The following SLC1A3 variants were observed in gnomAD, a reference collection of about 807,000 sequenced individuals.
The protein encoded by SLC1A3 is solute carrier family 1 member 3.
A neutral mutation model predicts 48.1 loss-of-function variants in SLC1A3; 21 were observed. That is an observed-to-expected ratio of 0.44 (90% CI 0.31 to 0.63). The LOEUF (loss-of-function observed/expected upper bound fraction) is 0.63, where lower values mean the gene tolerates loss of function less well. Among genes scored for constraint, SLC1A3 ranks in the 20% least tolerant of loss-of-function variants. The pLI is 0.08. For synonymous variants in SLC1A3, 239 were observed against 251.4 expected, an observed-to-expected ratio of 0.95 and a Z score of 0.47; for missense variants, 546 against 689.0, an observed-to-expected ratio of 0.79 and a Z score of 2.32.
chr5:36,630,127 C>T (rs141714564), intron 3 of SLC1A3: 2 of 158,594 alleles, frequency 1.3e-5, no homozygotes, highest in Admixed American at 6.1e-5. Flanking sequence ...ATTTCCTTCT[C>T]CAGTTGCCTC....
intron 4 of SLC1A3, among the ~76,000 whole-genome samples, chr5:36,672,692 C>G (rs1434136573): frequency 2.0e-5 from 3 of 152,152 alleles, no homozygotes; most frequent in African/African-American, 7.2e-5. Flanking sequence ...TTTGCACCAT[C>G]TCTATGTATG....
intron 2 of SLC1A3, among the ~76,000 whole-genome samples, chr5:36,627,681 A>G (rs1216050561): frequency 6.6e-6 from 1 of 152,204 alleles, no homozygotes; most frequent in Non-Finnish European, 1.5e-5. Flanking sequence ...CGTATATGGA[A>G]AAGTATATTC....
chr5:36,599,002 G>A (rs1364168919), intron 1 of SLC1A3, among the ~76,000 whole-genome samples: 1 of 152,122 alleles, frequency 6.6e-6, no homozygotes, highest in African/African-American at 2.4e-5. Flanking sequence ...GTCAATATAA[G>A]TATTAATGAG....
At chr5:36,616,997 A>G (rs1739462793) in intron 2 of SLC1A3, among the ~76,000 whole-genome samples, 1 of 152,190 alleles carries the variant, frequency 6.6e-6, no homozygotes, top group Non-Finnish European at 1.5e-5. Context: ...GGGCCTTGTA[A>G]GTTCTGACTT....
At chr5:36,605,550 A>C (rs977609601), upstream of SLC1A3, among the ~76,000 whole-genome samples, 4 of 152,198 alleles carry the variant, frequency 2.6e-5, no homozygotes, top group African/African-American at 4.8e-5. Flanking sequence ...TTTCTTGTTG[A>C]ATAATAGACC....
chr5:36,663,210 C>A (rs1561273144), intron 3 of SLC1A3, among the ~76,000 whole-genome samples: 1 of 151,634 alleles, frequency 6.6e-6, no homozygotes, highest in African/African-American at 2.4e-5. Context: ...ATTTTCTTTT[C>A]TTGTTTGTTT....
Position 36,679,802 on chromosome 5 carries a change from T to A in SLC1A3, c.1036T>A (p.Trp346Arg), listed in dbSNP as rs1249591144. Residue 346 changes from tryptophan (W) to arginine (R), a missense_variant, in exon 7 of 10, where the codon TGG (tryptophan) becomes AGG (arginine). Trp to Arg is a moderately radical substitution (Grantham distance 101). Transcript: ENST00000265113. ...CTTCTTGGTAACACGGAAAAACCCT[T>A]GGGTTTTTATTGGAGGGTTGCTGCA... Reference protein sequence around the residue: ...LYFLVTRKNPWVFIGGLLQAL... With the variant: ...LYFLVTRKNPRVFIGGLLQAL... 3 of 1,614,070 alleles carry A rather than the reference T, an allele frequency of 1.9e-6. No homozygotes were observed. Among genetic ancestry groups the A allele is most frequent in the Admixed American group, 3.3e-5 (2 of 60,020 alleles).
intron 6 of SLC1A3, among the ~76,000 whole-genome samples, chr5:36,678,820 T>C (rs1255511846): frequency 6.6e-6 from 1 of 152,190 alleles, no homozygotes; most frequent in African/African-American, 2.4e-5. Context: ...CTGTGGGGAA[T>C]AATGACTTCA....
intron 3 of SLC1A3, among the ~76,000 whole-genome samples, chr5:36,670,613 A>G (rs1253248174): frequency 3.3e-5 from 5 of 152,160 alleles, no homozygotes; most frequent in Non-Finnish European, 7.3e-5. Context: ...GTAAACTTAG[A>G]TTATCCTGCC....
chr5:36,645,920 C>G (rs541979827), intron 3 of SLC1A3, among the ~76,000 whole-genome samples: 7 of 152,320 alleles, frequency 4.6e-5, no homozygotes, highest in African/African-American at 1.2e-4. Context: ...TATCATGGTA[C>G]AGATTATTGC....
At chr5:36,643,494 C>T (rs941155602) in intron 3 of SLC1A3, among the ~76,000 whole-genome samples, 8 of 152,090 alleles carry the variant, frequency 5.3e-5, no homozygotes, top group Non-Finnish European at 8.8e-5. Flanking sequence ...GATCCTTTGC[C>T]CATTTTTTAA....
intron 3 of SLC1A3, among the ~76,000 whole-genome samples, chr5:36,638,217 G>A (rs995475787): frequency 6.6e-6 from 1 of 152,168 alleles, no homozygotes; most frequent in African/African-American, 2.4e-5. Flanking sequence ...GAGGCTTCTT[G>A]AAGGTACTGT....
intron 3 of SLC1A3, chr5:36,636,463 T>TTTTCTTTTTCTTTC (rs1422812992): frequency 1.3e-3 from 90 of 68,604 alleles, no homozygotes; most frequent in Non-Finnish European, 2.2e-3. Flanking sequence ...TCTTTCTTTC[T>TTTTCTTTTTCTTTC]TTTCTTTCTT....
At chr5:36,654,129 A>G (rs1453717627) in intron 3 of SLC1A3, among the ~76,000 whole-genome samples, 1 of 152,222 alleles carries the variant, frequency 6.6e-6, no homozygotes, top group East Asian at 1.9e-4. Flanking sequence ...GGTGTGAGCC[A>G]CCACGCCCAG....
chr5:36,662,244 C>T (rs1741543680), intron 3 of SLC1A3, among the ~76,000 whole-genome samples: 2 of 152,166 alleles, frequency 1.3e-5, no homozygotes, highest in Admixed American at 6.5e-5. Context: ...ACAGGGCTTT[C>T]CACGTGATAG....
chr5:36,606,113 G>A (rs184751299), upstream of SLC1A3, among the ~76,000 whole-genome samples: 45 of 152,300 alleles, frequency 3.0e-4, no homozygotes, highest in African/African-American at 9.4e-4. Flanking sequence ...TTAGAGAATC[G>A]TAGTAAGCAT....
At chr5:36,601,307 C>A (rs906702301) in intron 1 of SLC1A3, among the ~76,000 whole-genome samples, 1 of 152,138 alleles carries the variant, frequency 6.6e-6, no homozygotes, top group Non-Finnish European at 1.5e-5. Flanking sequence ...GCAGGGAAAT[C>A]CTAATGAGAA....
chr5:36,629,812 G>A lies in SLC1A3; in HGVS notation c.319+225G>A, dbSNP rs9790917. The A allele has an allele frequency of 5.3e-3, 2,839 of 538,254 alleles. 45 individuals carry two copies. The highest frequency in any genetic ancestry group is 0.05 in the East Asian group (1,459 of 29,358). 33.3% of individuals were successfully genotyped at this position (538,254 alleles called of 1,614,324 possible). On this transcript the variant is annotated intron_variant, in intron 3 of 9. Coordinates refer to ENST00000265113, the MANE Select transcript of SLC1A3 (RefSeq NM_004172.5). ...AGAGGAAACGAATTTAAACAGCCAC[G>A]TAATCTGGTTCGCCTCACAGTGAAC...
At chr5:36,639,244 ATAG>A (rs1740516442) in intron 3 of SLC1A3, among the ~76,000 whole-genome samples, 3 of 152,208 alleles carry the variant, frequency 2.0e-5, no homozygotes, top group Non-Finnish European at 2.9e-5. Context: ...GATGGGGATA[ATAG>A]TAGTATCTAC....
Sources: gnomAD v4.1 joint callset for allele counts (sites outside exome capture counted in the v4.1 genomes callset) on GRCh38, gnomAD v4.1.1 for gene constraint, MANE v1.5 for transcripts, NCBI Gene and HGNC (gene_info 2026-07-23, HGNC 2026-07-21) for gene names.